DEAF1: variants seen among roughly 807,000 people sequenced by gnomAD.
The protein encoded by DEAF1 is deformed epidermal autoregulatory factor 1 homolog.
Under a neutral mutation model 58.9 loss-of-function variants are expected in DEAF1, and 53 were observed. That is an observed-to-expected ratio of 0.90 (90% CI 0.72 to 1.13). DEAF1 has a LOEUF of 1.13. DEAF1 is among the 50% of genes most tolerant of loss of function. The pLI is 0.00. For missense variants in DEAF1, 685 were observed against 791.4 expected, an observed-to-expected ratio of 0.87 and a Z score of 1.61; for synonymous variants, 385 against 340.4, an observed-to-expected ratio of 1.13 and a Z score of -1.44.
Position 678,676 on chromosome 11 carries a change from G to T in DEAF1, c.1255+18C>A. ...TGAGGACAATAACCTGTACATGTGTGAATTCTTTCAAACCTACCTATTTTG... is the reference window on the plus strand; with the variant it reads ...TGAGGACAATAACCTGTACATGTGTTAATTCTTTCAAACCTACCTATTTTG... On this transcript the variant is annotated intron_variant, in intron 9 of 11. Transcript: ENST00000382409. 2 of 1,613,836 alleles carry T rather than the reference G, an allele frequency of 1.2e-6. No homozygotes were observed. The highest frequency in any genetic ancestry group is 2.2e-5 in the South Asian group (2 of 91,014).
chr11:705,868 T>C (rs1861689976), intron 1 of DEAF1, among the ~76,000 whole-genome samples: 1 of 152,178 alleles, frequency 6.6e-6, no homozygotes, highest in Non-Finnish European at 1.5e-5. Context: ...AGCTAGGCCC[T>C]GCCCAAGGAA....
upstream of DEAF1, chr11:698,804 G>T: frequency 1.3e-6 from 2 of 1,593,904 alleles, no homozygotes; most frequent in Non-Finnish European, 1.7e-6. Context: ...TGTCAGTGTG[G>T]AGCGAGACCC....
At chr11:681,164 T>G (rs145227487) in intron 6 of DEAF1, 75 bp from the exon 7 acceptor site, 1 of 1,603,842 alleles carries the variant, frequency 6.2e-7, no homozygotes, top group East Asian at 2.2e-5. Flanking sequence ...CCTCCTTAAG[T>G]GGGGGCACCG....
At chr11:687,088 C>T (rs1165891786) in intron 4 of DEAF1, 91 bp from the exon 5 acceptor site, 4 of 1,579,060 alleles carry the variant, frequency 2.5e-6, no homozygotes, top group African/African-American at 1.3e-5. Context: ...ACCCCTCCAC[C>T]AGCACCAGCG....
chr11:668,839 T>C (rs1272700880), intron 10 of DEAF1, among the ~76,000 whole-genome samples: 1 of 152,164 alleles, frequency 6.6e-6, no homozygotes, highest in African/African-American at 2.4e-5. Context: ...TTTTTTGTTT[T>C]TTTTTAGACA....
intron 1 of DEAF1, among the ~76,000 whole-genome samples, chr11:702,234 G>T (rs1300095437): frequency 2.0e-5 from 3 of 152,252 alleles, no homozygotes; most frequent in Non-Finnish European, 2.9e-5. Flanking sequence ...CCGGCCGTCA[G>T]TGTCTTGTCT....
At chr11:652,621 G>C (rs113154384) in intron 11 of DEAF1, among the ~76,000 whole-genome samples, 2,422 of 152,070 alleles carry the variant, frequency 0.016, 58 homozygotes, top group African/African-American at 0.055. Flanking sequence ...CTGGGCTACA[G>C]AGCAAAACTG....
At chr11:702,136 C>T (rs1459952498) in intron 1 of DEAF1, among the ~76,000 whole-genome samples, 1 of 152,158 alleles carries the variant, frequency 6.6e-6, no homozygotes, top group Admixed American at 6.5e-5. Flanking sequence ...GGAAGGGTGG[C>T]CCCCACCCTT....
chr11:706,161 G>GC (rs1242010387), intron 1 of DEAF1: 3 of 151,820 alleles, frequency 2.0e-5, no homozygotes, highest in Non-Finnish European at 4.4e-5. Flanking sequence ...TCCCGGCCCC[G>GC]CCCCGGCCCG....
upstream of DEAF1, chr11:699,966 T>C (rs1383461217): frequency 3.8e-5 from 22 of 577,724 alleles, no homozygotes; most frequent in Non-Finnish European, 6.2e-5. Flanking sequence ...TGGGACCACA[T>C]TGGCAGCCAG....
At chr11:658,049 C>T (rs1564928643) in intron 10 of DEAF1, among the ~76,000 whole-genome samples, 1 of 152,142 alleles carries the variant, frequency 6.6e-6, no homozygotes, top group Non-Finnish European at 1.5e-5. Context: ...GGGGAGGCTG[C>T]GGAGTGGCAG....
In DEAF1 at chr11:661,821, C is replaced by T. The variant is rs1473073086; in HGVS notation, c.1504-7770G>A. 1.3e-3 allele frequency among the ~76,000 whole-genome samples: 192 copies of T among 152,338 alleles called. 3 individuals carry two copies. The highest frequency in any genetic ancestry group is 3.9e-4 in the East Asian group (2 of 5,184). On this transcript the variant is annotated intron_variant, in intron 10 of 11. Coordinates refer to ENST00000382409, the MANE Select transcript of DEAF1 (RefSeq NM_021008.4). The stretch of plus-strand genomic sequence containing the variant: ...TGCTCATGAGCAAGGCTTCCTCATT[C>T]CCACACGTGGACCTTTCCATTCAGA...
At position 686,849 on chromosome 11, in the gene DEAF1, G is replaced by A. The variant is rs374116763; in HGVS notation, c.804+9C>T. On this transcript the variant is annotated intron_variant, in intron 5 of 11. Transcript: ENST00000382409. ...GTGTGCTGAGCACAGGTGAGGTCAC[G>A]GACGATACCTGGATGAGGCACTGCA... The A allele has an allele frequency of 1.4e-5, 22 of 1,613,920 alleles. No individual in the cohort carries two copies. Among genetic ancestry groups the A allele is most frequent in the African/African-American group, 1.2e-4 (9 of 74,936 alleles).
chr11:701,743 C>A (rs1225007698), intron 1 of DEAF1, among the ~76,000 whole-genome samples: 1 of 152,162 alleles, frequency 6.6e-6, no homozygotes, highest in African/African-American at 2.4e-5. Context: ...CCTGGTTGGT[C>A]TTGAACTCTT....
At chr11:674,352 A>G in intron 10 of DEAF1, 184 bp downstream of exon 10, 1 of 858,290 alleles carries the variant, frequency 1.2e-6, no homozygotes, top group East Asian at 2.5e-5. Context: ...CCTTAACAAC[A>G]ATAGCTGTCA....
chr11:681,352 C>T (rs1033368527), intron 6 of DEAF1, among the ~76,000 whole-genome samples: 7 of 152,048 alleles, frequency 4.6e-5, no homozygotes, highest in African/African-American at 1.7e-4. Context: ...CTGCGTTAGT[C>T]TCCTGAGTAG....
At chr11:700,692 G>C (rs142737710) in intron 1 of DEAF1, 1 of 1,614,144 alleles carries the variant, frequency 6.2e-7, no homozygotes, top group Non-Finnish European at 8.5e-7. Context: ...TCTAGAAGCA[G>C]TTCGGTTATA....
At chr11:651,842 C>T (rs1339849505) in intron 11 of DEAF1, among the ~76,000 whole-genome samples, 1 of 152,190 alleles carries the variant, frequency 6.6e-6, no homozygotes, top group Non-Finnish European at 1.5e-5. Flanking sequence ...GCTGAGATGG[C>T]GCCACTACAC....
intron 1 of DEAF1, chr11:704,399 G>A (rs545624956): frequency 8.1e-7 from 1 of 1,239,558 alleles, no homozygotes; most frequent in Non-Finnish European, 1.1e-6. Flanking sequence ...GGAGCACCCA[G>A]TTGTCCTGGG....
Sources: allele counts gnomAD v4.1 joint callset (sites outside exome capture counted in the v4.1 genomes callset), GRCh38; gene constraint gnomAD v4.1.1; transcripts MANE v1.5; gene names NCBI Gene and HGNC (gene_info 2026-07-23, HGNC 2026-07-21).